Variants in PPP1R9A observed in about 807,000 individuals in gnomAD.
The protein encoded by PPP1R9A is protein phosphatase 1 regulatory subunit 9A, also known as neurabin-1.
Under a neutral mutation model 141.9 loss-of-function variants are expected in PPP1R9A, and 59 were observed. The observed-to-expected ratio is 0.42, with a 90% CI of 0.34 to 0.52. The LOEUF (loss-of-function observed/expected upper bound fraction) is 0.52. Among genes scored for constraint, PPP1R9A ranks in the 20% least tolerant of loss-of-function variants. The pLI, the probability that PPP1R9A is intolerant of heterozygous loss-of-function variation, is 0.10. For synonymous variants in PPP1R9A, 500 were observed against 569.7 expected, an observed-to-expected ratio of 0.88 and a Z score of 1.74; for missense variants, 1,444 against 1,611.9, an observed-to-expected ratio of 0.90 and a Z score of 1.78.
At chr7:95,159,501 G>T (rs1325116462) in intron 4 of PPP1R9A, among the ~76,000 whole-genome samples, 2 of 152,106 alleles carry the variant, frequency 1.3e-5, no homozygotes, top group Non-Finnish European at 1.5e-5. Flanking sequence ...TGCCACGGTT[G>T]TTTGCTATAC....
chr7:95,006,997 G>C (rs1803708223), intron 2 of PPP1R9A, among the ~76,000 whole-genome samples: 1 of 152,094 alleles, frequency 6.6e-6, no homozygotes, highest in Non-Finnish European at 1.5e-5. Flanking sequence ...TAAGTAGCTA[G>C]GACTACAGGA....
rs188605581 is a variant in PPP1R9A at position 95,019,823 on chromosome 7, C to A, written c.1396-91436C>A. On this transcript the variant is annotated intron_variant, in intron 2 of 19. Transcript: ENST00000433360. ...TTGCTTGAAGCATTAAACATCCCCC[C>A]TCGCCCAAACCAGCCATTCCACTCC... 2.0e-3 allele frequency among the ~76,000 whole-genome samples: 292 copies of A among 149,400 alleles called. 2 individuals are homozygous for A. The highest frequency in any genetic ancestry group is 6.7e-3 in the African/African-American group (274 of 40,742).
At chr7:95,173,009 A>G (rs149033804) in intron 5 of PPP1R9A, among the ~76,000 whole-genome samples, 114 of 151,978 alleles carry the variant, frequency 7.5e-4, no homozygotes, top group African/African-American at 2.5e-3. Flanking sequence ...AGTCTCATTG[A>G]AAACAAAATA....
intron 12 of PPP1R9A, among the ~76,000 whole-genome samples, chr7:95,260,357 C>T (rs189517568): frequency 6.6e-6 from 1 of 152,260 alleles, no homozygotes; most frequent in East Asian, 1.9e-4. Context: ...CCAGACCCTT[C>T]AGTCATACTG....
chr7:94,989,839 CCT>C (rs1222134720), intron 2 of PPP1R9A, among the ~76,000 whole-genome samples: 9 of 151,804 alleles, frequency 5.9e-5, no homozygotes, highest in African/African-American at 1.2e-4. Flanking sequence ...TCAGATTGCC[CCT>C]GTTAGCTGAT....
intron 5 of PPP1R9A, among the ~76,000 whole-genome samples, chr7:95,179,157 T>A (rs1481294159): frequency 6.6e-6 from 1 of 152,012 alleles, no homozygotes; most frequent in Admixed American, 6.6e-5. Context: ...CAACAGCATA[T>A]CAAAAAGCCA....
chr7:94,988,328 G>T (rs1321822358), intron 2 of PPP1R9A, among the ~76,000 whole-genome samples: 1 of 152,034 alleles, frequency 6.6e-6, no homozygotes, highest in African/African-American at 2.4e-5. Flanking sequence ...ATATTCTGGT[G>T]CTTATTTTAC....
At chr7:95,103,975 T>C (rs1819167498) in intron 2 of PPP1R9A, among the ~76,000 whole-genome samples, 1 of 152,190 alleles carries the variant, frequency 6.6e-6, no homozygotes, top group Non-Finnish European at 1.5e-5. Flanking sequence ...TCTAGGTATT[T>C]CAATCATGAA....
intron 2 of PPP1R9A, among the ~76,000 whole-genome samples, chr7:95,059,974 G>A (rs139046377): frequency 5.3e-5 from 8 of 152,230 alleles, no homozygotes; most frequent in East Asian, 1.9e-4. Flanking sequence ...GTTAAGGTGC[G>A]GGAGAAGATA....
At position 95,269,625 on chromosome 7, in the gene PPP1R9A, C is replaced by A. The variant is rs141253050; in HGVS notation, c.3124+118C>A. 1.2e-3 allele frequency: 867 copies of A among 752,384 alleles called. 6 individuals are homozygous for A. The African/African-American group carries it at 0.014, about 12-fold the overall frequency. The allele number at this position is 752,384 out of a possible 1,614,324, so 46.6% of individuals were successfully genotyped here. ...CATAGCTAATAATTAATATTAATTT[C>A]TTTTTATATTATAGAATAAGAGAAA... On this transcript the variant is annotated intron_variant, in intron 14 of 19. Transcript: ENST00000433360.
intron 14 of PPP1R9A, among the ~76,000 whole-genome samples, chr7:95,270,368 T>C (rs976667871): frequency 6.6e-6 from 1 of 152,156 alleles, no homozygotes; most frequent in Non-Finnish European, 1.5e-5. Context: ...ATTACAGCCA[T>C]GTTTGATTGC....
In PPP1R9A at chr7:95,096,770, C is replaced by A. The variant is rs554689231; in HGVS notation, c.1396-14489C>A. Among the ~76,000 whole-genome samples the A allele has an allele frequency of 2.6e-5, 4 of 152,252 alleles. No homozygotes were observed. The South Asian group carries it at 8.3e-4, about 32-fold the overall frequency. On this transcript the variant is annotated intron_variant, in intron 2 of 19. Coordinates refer to ENST00000433360, the MANE Select transcript of PPP1R9A (RefSeq NM_001166160.2). ...TTACTTCCTGTCCTGTTATTGGGTT[C>A]TTCTGTCTTACTCCTACCTTGCACA...
At chr7:95,166,396 C>T (rs541035418) in intron 5 of PPP1R9A, among the ~76,000 whole-genome samples, 17 of 152,168 alleles carry the variant, frequency 1.1e-4, no homozygotes, top group African/African-American at 3.9e-4. Flanking sequence ...GTTAAACAAA[C>T]TAGAAAACTT....
intron 2 of PPP1R9A, among the ~76,000 whole-genome samples, chr7:95,070,593 G>GTATATATATATATATATATATATACATA (rs71961632): frequency 5.4e-5 from 6 of 111,942 alleles, no homozygotes; most frequent in African/African-American, 1.8e-4. Context: ...TAAATCTCTG[G>GTATATATATATATATATATATATACATA]TATATATATA....
chr7:94,937,711 G>T (rs1048001127), intron 2 of PPP1R9A, among the ~76,000 whole-genome samples: 21 of 152,156 alleles, frequency 1.4e-4, no homozygotes, highest in African/African-American at 5.1e-4. Context: ...TCAGCATTGT[G>T]GTAGATTGAA....
At chr7:95,185,305 A>G (rs1019018067) in intron 5 of PPP1R9A, among the ~76,000 whole-genome samples, 41 of 151,400 alleles carry the variant, frequency 2.7e-4, no homozygotes, top group African/African-American at 9.7e-4. Context: ...ATTTTTTCAT[A>G]CATTTGTTAG....
intron 2 of PPP1R9A, among the ~76,000 whole-genome samples, chr7:94,982,877 C>G (rs1276660873): frequency 3.3e-5 from 5 of 152,144 alleles, no homozygotes; most frequent in African/African-American, 9.7e-5. Context: ...GTGTTTTAGT[C>G]ATGAAGTCCT....
At chr7:95,206,032 T>C (rs577703872) in intron 7 of PPP1R9A, among the ~76,000 whole-genome samples, 58 of 152,310 alleles carry the variant, frequency 3.8e-4, no homozygotes, top group African/African-American at 1.3e-3. Context: ...AGCAACTTGG[T>C]GACTCACAGT....
intron 2 of PPP1R9A, among the ~76,000 whole-genome samples, chr7:94,916,359 C>T (rs575287079): frequency 5.3e-5 from 8 of 152,260 alleles, no homozygotes; most frequent in Non-Finnish European, 7.3e-5. Context: ...GTGCCGATGC[C>T]GCTGATCAAG....
Sources: allele counts gnomAD v4.1 joint callset (sites outside exome capture counted in the v4.1 genomes callset), GRCh38; gene constraint gnomAD v4.1.1; transcripts MANE v1.5; gene names NCBI Gene and HGNC (gene_info 2026-07-23, HGNC 2026-07-21).